The following METTL15 variants were observed in gnomAD, a reference collection of about 807,000 sequenced individuals.
The protein encoded by METTL15 is methyltransferase 15, mitochondrial 12S rRNA N4-cytidine.
Under a neutral mutation model 38.3 loss-of-function variants are expected in METTL15, and 34 were observed. The observed-to-expected ratio is 0.89, with a 90% CI of 0.68 to 1.18. The LOEUF (loss-of-function observed/expected upper bound fraction) is 1.18. METTL15 is among the 50% of genes most tolerant of loss of function. METTL15 has a pLI of 0.00. For synonymous variants in METTL15, 162 were observed against 170.9 expected (o/e 0.95, Z 0.41); for missense variants, 438 against 498.4 (o/e 0.88, Z 1.15).
chr11:28,195,272 T>G (rs1460382001), intron 3 of METTL15, among the ~76,000 whole-genome samples: 5 of 152,094 alleles, frequency 3.3e-5, no homozygotes, highest in Non-Finnish European at 4.4e-5. Context: ...CTACTTTTAC[T>G]TCTTTGAGAA....
chr11:28,290,139 A>T, intron 4 of METTL15, 67 bp from the exon 5 acceptor site: 4 of 1,347,448 alleles, frequency 3.0e-6, no homozygotes, highest in Non-Finnish European at 4.0e-6. Flanking sequence ...CCTTCCATTG[A>T]TCATAGACTT....
At chr11:28,404,293 A>T (rs1228388950) in intron 5 of METTL15, among the ~76,000 whole-genome samples, 1 of 152,100 alleles carries the variant, frequency 6.6e-6, no homozygotes, top group Non-Finnish European at 1.5e-5. Context: ...CAAAACAATT[A>T]CCATAAATTG....
At chr11:28,116,704 C>T (rs984595578) in intron 3 of METTL15, among the ~76,000 whole-genome samples, 2 of 152,182 alleles carry the variant, frequency 1.3e-5, no homozygotes, top group African/African-American at 4.8e-5. Context: ...TTTACCTTCT[C>T]CTCAGGCAGT....
intron 4 of METTL15, among the ~76,000 whole-genome samples, chr11:28,256,724 T>C (rs1193094414): frequency 1.3e-5 from 2 of 152,088 alleles, no homozygotes; most frequent in Non-Finnish European, 2.9e-5. Context: ...ATCTTTATTA[T>C]TTATTTTCTT....
chr11:28,391,278 T>C (rs1247058565), intron 5 of METTL15, among the ~76,000 whole-genome samples: 1 of 151,912 alleles, frequency 6.6e-6, no homozygotes, highest in African/African-American at 2.4e-5. Context: ...TGAGTAGGAG[T>C]GGTGAGAGAG....
chr11:28,145,264 C>A (rs982808669), intron 3 of METTL15: 6 of 152,040 alleles, frequency 3.9e-5, no homozygotes, highest in African/African-American at 1.4e-4. Flanking sequence ...TTTTAAAATT[C>A]CTCCTATCTT....
chr11:28,468,572 T>C (rs1044270760), intron 6 of METTL15, among the ~76,000 whole-genome samples: 3 of 152,192 alleles, frequency 2.0e-5, no homozygotes, highest in Non-Finnish European at 4.4e-5. Flanking sequence ...CTATGCAAAA[T>C]AGTATTATTT....
chr11:28,357,502 C>T (rs1338348791), intron 4 of METTL15, among the ~76,000 whole-genome samples: 1 of 152,230 alleles, frequency 6.6e-6, no homozygotes, highest in African/African-American at 2.4e-5. Flanking sequence ...CCGAAGTTTT[C>T]TCTCCTAGCT....
chr11:28,415,543 T>C (rs1462548074), intron 5 of METTL15, among the ~76,000 whole-genome samples: 2 of 152,184 alleles, frequency 1.3e-5, no homozygotes, highest in African/African-American at 4.8e-5. Flanking sequence ...CAAAAATGAC[T>C]TGTTCAAAGT....
intron 6 of METTL15, among the ~76,000 whole-genome samples, chr11:28,497,969 G>A (rs774393160): frequency 5.9e-5 from 9 of 151,468 alleles, no homozygotes; most frequent in African/African-American, 1.2e-4. Flanking sequence ...CATGAGAATC[G>A]CTTGAACCTG....
chr11:28,330,499 T>A lies in METTL15; in HGVS notation c.882T>A (p.Asn294Lys). ...AGGCTCTTCGCATATTTGTGAACAATGAGCTCAATGAACTCTACACGGGAC... is the reference window on the plus strand; with the variant it reads ...AGGCTCTTCGCATATTTGTGAACAAAGAGCTCAATGAACTCTACACGGGAC... ...TFQALRIFVN[N>K]ELNELYTGLK... The change falls in exon 7 of 7, where the codon AAT (asparagine) becomes AAA (lysine). Residue 294 changes from asparagine (N) to lysine (K), a missense_variant. Coordinates refer to ENST00000407364, the MANE Select transcript of METTL15 (RefSeq NM_001113528.2). 1.3e-6 allele frequency: 2 copies of A among 1,551,248 alleles called. No individual in the cohort carries two copies. Among genetic ancestry groups the A allele is most frequent in the Non-Finnish European group, 1.7e-6 (2 of 1,146,610 alleles).
chr11:28,314,980 A>T (rs189330196), intron 6 of METTL15, among the ~76,000 whole-genome samples: 1 of 152,210 alleles, frequency 6.6e-6, no homozygotes, highest in Middle Eastern at 3.2e-3. Flanking sequence ...TGTAAGTCCA[A>T]TTAAACCTCT....
Position 28,113,663 on chromosome 11 carries a change from ATAT to A in METTL15, c.270+61_270+63del. ...GTTGAGATAAAATTCACTTATTGTA[ATAT>A]TCATTATTTTAAGGTATACAATTCA... On this transcript the variant is annotated intron_variant, in intron 3 of 6. Coordinates refer to ENST00000407364, the MANE Select transcript of METTL15 (RefSeq NM_001113528.2). 3.2e-6 allele frequency: 5 copies of A among 1,551,540 alleles called. No individual in the cohort carries two copies. The South Asian group carries it at 6.1e-5, about 19-fold the overall frequency.
intron 3 of METTL15, among the ~76,000 whole-genome samples, chr11:28,201,613 G>GTGTGTGTGTGTGTGTGTGTGTGTA (rs796432312): frequency 7.9e-5 from 12 of 151,464 alleles, no homozygotes; most frequent in Middle Eastern, 3.4e-3. Flanking sequence ...TTGGGAGGGT[G>GTGTGTGTGTGTGTGTGTGTGTGTA]TGTGTGTGTG....
chr11:28,307,488 T>G (rs1417020872), intron 6 of METTL15, among the ~76,000 whole-genome samples: 4 of 152,098 alleles, frequency 2.6e-5, no homozygotes, highest in South Asian at 4.1e-4. Flanking sequence ...AATCAACTAG[T>G]TTCTTTAGCA....
intron 3 of METTL15, among the ~76,000 whole-genome samples, chr11:28,143,960 A>G (rs1590803978): frequency 6.6e-6 from 1 of 152,030 alleles, no homozygotes; most frequent in African/African-American, 2.4e-5. Context: ...CTTTTTTGAC[A>G]TTTCATTTCC....
chr11:28,522,822 C>T (rs1245332549), intron 6 of METTL15, among the ~76,000 whole-genome samples: 1 of 152,214 alleles, frequency 6.6e-6, no homozygotes, highest in Non-Finnish European at 1.5e-5. Context: ...AGGAAAGCTA[C>T]ATATGTGTCT....
intron 3 of METTL15, among the ~76,000 whole-genome samples, chr11:28,340,966 A>G (rs1419760768): frequency 1.3e-5 from 2 of 152,224 alleles, no homozygotes; most frequent in South Asian, 2.1e-4. Flanking sequence ...TGTGGCACAT[A>G]TACACCATGG....
At chr11:28,457,376 A>T (rs1371874580) in intron 6 of METTL15, among the ~76,000 whole-genome samples, 2 of 152,198 alleles carry the variant, frequency 1.3e-5, no homozygotes, top group Non-Finnish European at 2.9e-5. Flanking sequence ...CCTCTAAGTC[A>T]TCTTTAAGCA....
Sources: allele counts gnomAD v4.1 joint callset (sites outside exome capture counted in the v4.1 genomes callset), GRCh38; gene constraint gnomAD v4.1.1; transcripts MANE v1.5; gene names NCBI Gene and HGNC (gene_info 2026-07-23, HGNC 2026-07-21).